APBA1: variants seen among roughly 807,000 people sequenced by gnomAD.
APBA1 encodes the protein amyloid-beta A4 precursor protein-binding family A member 1.
APBA1 carries 55 observed loss-of-function variants against 86.6 expected under a neutral mutation model. The observed-to-expected ratio is 0.64, with a 90% CI of 0.51 to 0.80. The LOEUF is 0.80. Among genes scored for constraint, APBA1 ranks in the 30% least tolerant of loss-of-function variants. The probability of loss-of-function intolerance (pLI) is 0.00; values close to 1 mark genes in which losing one functional copy is unlikely to be tolerated. For missense variants in APBA1, 1,090 were observed against 1,183.0 expected (o/e 0.92, Z 1.15); for synonymous variants, 511 against 493.9 (o/e 1.03, Z -0.46).
chr9:69,450,304 C>A (rs1834984892), intron 9 of APBA1, among the ~76,000 whole-genome samples: 1 of 152,094 alleles, frequency 6.6e-6, no homozygotes, highest in South Asian at 2.1e-4. Flanking sequence ...AAAAGTGATG[C>A]TGAAGTTATC....
At chr9:69,635,092 A>C (rs1218597082) in intron 1 of APBA1, among the ~76,000 whole-genome samples, 1 of 152,222 alleles carries the variant, frequency 6.6e-6, no homozygotes, top group African/African-American at 2.4e-5. Context: ...ATAACATTAT[A>C]ATTGTGGTGT....
At chr9:69,552,329 C>T (rs1836797949) in intron 1 of APBA1, among the ~76,000 whole-genome samples, 1 of 152,190 alleles carries the variant, frequency 6.6e-6, no homozygotes, top group South Asian at 2.1e-4. Flanking sequence ...TATTAGAAAA[C>T]ACGTACCACA....
chr9:69,531,050 T>C lies in APBA1; in HGVS notation c.-69-13771A>G, dbSNP rs564090807. ...AATATTTTATCTAATATATTCAAAA[T>C]ATTATTTCAACATATGATCAATATA... is the stretch of plus-strand genomic sequence containing the variant. On this transcript the variant is annotated intron_variant, in intron 1 of 12. Coordinates refer to ENST00000265381, the MANE Select transcript of APBA1 (RefSeq NM_001163.4). Among the ~76,000 whole-genome samples, 4 of 152,290 alleles carry C rather than the reference T, an allele frequency of 2.6e-5. No individual in the cohort carries two copies. In the South Asian group the frequency reaches 8.3e-4, roughly 32 times the overall value.
At chr9:69,557,078 G>A (rs1213950183) in intron 1 of APBA1, among the ~76,000 whole-genome samples, 2 of 152,136 alleles carry the variant, frequency 1.3e-5, no homozygotes, top group Admixed American at 6.6e-5. Flanking sequence ...AACAAATTAG[G>A]AGGCTATACA....
intron 1 of APBA1, among the ~76,000 whole-genome samples, chr9:69,593,965 C>T (rs1026416089): frequency 6.6e-6 from 1 of 152,166 alleles, no homozygotes; most frequent in Non-Finnish European, 1.5e-5. Context: ...GGACTGAATG[C>T]ATTTTTATTA....
chr9:69,432,025 CAGTGATGACTGACAGT>C (rs1302524355), intron 12 of APBA1, among the ~76,000 whole-genome samples: 8 of 151,340 alleles, frequency 5.3e-5, no homozygotes, highest in African/African-American at 1.5e-4. Flanking sequence ...TGAATGACAG[CAGTGATGACTGACAGT>C]AGTGATGACT....
chr9:69,454,426 A>G lies in APBA1; in HGVS notation c.1788+1821T>C, dbSNP rs75259986. Among the ~76,000 whole-genome samples, 1,358 of 152,312 alleles carry G rather than the reference A, an allele frequency of 8.9e-3. 24 individuals carry two copies. The highest frequency in any genetic ancestry group is 0.029 in the African/African-American group (1,221 of 41,566). On this transcript the variant is annotated intron_variant, in intron 8 of 12. Transcript: ENST00000265381. ...TACTGAGATTTATGGACCACTAGCC[A>G]TGTGCCACACATCAGGCTTTAACTG...
chr9:69,451,914 C>A (rs1835016212), intron 9 of APBA1, among the ~76,000 whole-genome samples: 1 of 152,200 alleles, frequency 6.6e-6, no homozygotes, highest in African/African-American at 2.4e-5. Context: ...GGATGTGCTG[C>A]CTCTCTGTTT....
At chr9:69,482,974 TG>T (rs1287530210) in intron 2 of APBA1, among the ~76,000 whole-genome samples, 2 of 51,084 alleles carry the variant, frequency 3.9e-5, no homozygotes, top group South Asian at 8.0e-4. Context: ...TGTTGTGGGG[TG>T]GGGGGAGGGG....
intron 1 of APBA1, among the ~76,000 whole-genome samples, chr9:69,658,304 C>T (rs199931355): frequency 0.13 from 10,457 of 78,928 alleles, 1,209 homozygotes; most frequent in South Asian, 0.16. Context: ...TTCTCTCTCT[C>T]TCTTTCTTTC....
At chr9:69,651,516 C>T (rs886088608) in intron 1 of APBA1, among the ~76,000 whole-genome samples, 1 of 151,976 alleles carries the variant, frequency 6.6e-6, no homozygotes, top group Admixed American at 6.6e-5. Flanking sequence ...ACTCTTGTTG[C>T]CCAGGCTAGA....
rs959727721 is a variant in APBA1 at position 69,567,412 on chromosome 9, AT to A, written c.-69-50134del. 2.6e-5 allele frequency among the ~76,000 whole-genome samples: 4 copies of A among 151,570 alleles called. No homozygotes were observed. In the East Asian group the frequency reaches 7.7e-4, roughly 29 times the overall value. ...TTTTTTCCTTTCTGTGAATTTTTTT[AT>A]TTTTTTATTTATTATTATTTTGTAT... On this transcript the variant is annotated intron_variant, in intron 1 of 12. Coordinates refer to ENST00000265381, the MANE Select transcript of APBA1 (RefSeq NM_001163.4).
At chr9:69,443,132 ACAGCAG>A (rs528900511) in intron 10 of APBA1, among the ~76,000 whole-genome samples, 1 of 152,070 alleles carries the variant, frequency 6.6e-6, no homozygotes, top group Admixed American at 6.5e-5. Flanking sequence ...TAAACCCCAC[ACAGCAG>A]CAGCAGCAGC....
At chr9:69,608,335 C>A (rs1588391446) in intron 1 of APBA1, among the ~76,000 whole-genome samples, 1 of 152,136 alleles carries the variant, frequency 6.6e-6, no homozygotes, top group African/African-American at 2.4e-5. Flanking sequence ...ACATCTTAAT[C>A]CATCTGGTTT....
intron 1 of APBA1, among the ~76,000 whole-genome samples, chr9:69,533,710 G>C (rs1216509849): frequency 6.6e-6 from 1 of 152,224 alleles, no homozygotes; most frequent in African/African-American, 2.4e-5. Flanking sequence ...AGTCCAGGCT[G>C]TGGTCATTCA....
intron 2 of APBA1, among the ~76,000 whole-genome samples, chr9:69,513,400 G>A (rs1836083963): frequency 6.6e-6 from 1 of 152,114 alleles, no homozygotes; most frequent in African/African-American, 2.4e-5. Context: ...GAAGGAAGAG[G>A]CCAGCATCTG....
intron 1 of APBA1, among the ~76,000 whole-genome samples, chr9:69,550,025 GAAT>G (rs771104070): frequency 7.2e-5 from 11 of 152,126 alleles, no homozygotes; most frequent in Non-Finnish European, 1.6e-4. Flanking sequence ...TGAAAAATGG[GAAT>G]AATACCAGTT....
intron 1 of APBA1, among the ~76,000 whole-genome samples, chr9:69,594,407 T>G (rs1253910045): frequency 1.3e-5 from 2 of 152,156 alleles, no homozygotes; most frequent in Non-Finnish European, 2.9e-5. Flanking sequence ...TGAGCCAACA[T>G]GTCAAACCAG....
chr9:69,506,096 A>G (rs1307653799), intron 2 of APBA1, among the ~76,000 whole-genome samples: 2 of 151,742 alleles, frequency 1.3e-5, no homozygotes, highest in Non-Finnish European at 2.9e-5. Context: ...TCCGGTCTAC[A>G]GCTCCCAGCG....
Sources: allele counts gnomAD v4.1 joint callset (sites outside exome capture counted in the v4.1 genomes callset), GRCh38; gene constraint gnomAD v4.1.1; transcripts MANE v1.5; gene names NCBI Gene and HGNC (gene_info 2026-07-23, HGNC 2026-07-21).